ITGA8: variants seen among roughly 807,000 people sequenced by gnomAD.
The protein encoded by ITGA8 is integrin alpha-8.
Under a neutral mutation model 142.3 loss-of-function variants are expected in ITGA8, and 91 were observed. The ratio of observed to expected loss-of-function variants is 0.64; its 90% confidence interval spans 0.54 to 0.76. ITGA8 has a LOEUF of 0.76. ITGA8 is among the 30% of genes least tolerant of loss of function. The probability of loss-of-function intolerance (pLI) is 0.00; values close to 1 mark genes in which losing one functional copy is unlikely to be tolerated. For synonymous variants in ITGA8, 505 were observed against 485.2 expected (o/e 1.04, Z -0.54); for missense variants, 1,406 against 1,327.7 (o/e 1.06, Z -0.92).
chr10:15,594,062 A>G (rs149677637), intron 21 of ITGA8, among the ~76,000 whole-genome samples: 3,575 of 151,838 alleles, frequency 0.024, 126 homozygotes, highest in East Asian at 0.12. Context: ...GGCTGGTCTC[A>G]TACTCCTGAC....
At chr10:15,641,679 T>C (rs1275518157) in intron 13 of ITGA8, among the ~76,000 whole-genome samples, 2 of 152,138 alleles carry the variant, frequency 1.3e-5, no homozygotes, top group Non-Finnish European at 2.9e-5. Flanking sequence ...CCAAGCAGCA[T>C]TGACGGGCCT....
chr10:15,636,380 A>G (rs894137031), intron 13 of ITGA8, among the ~76,000 whole-genome samples: 2 of 152,220 alleles, frequency 1.3e-5, no homozygotes, highest in Admixed American at 1.3e-4. Context: ...GAATCAGAAA[A>G]TGAATTTTGA....
chr10:15,699,724 C>T (rs1046826348), intron 2 of ITGA8, among the ~76,000 whole-genome samples: 2 of 152,172 alleles, frequency 1.3e-5, no homozygotes, highest in Admixed American at 1.3e-4. Context: ...AGAGAATGAT[C>T]ATATTCTTTT....
chr10:15,590,993 A>G (rs1260383006), intron 22 of ITGA8, among the ~76,000 whole-genome samples: 1 of 152,206 alleles, frequency 6.6e-6, no homozygotes, highest in Non-Finnish European at 1.5e-5. Context: ...TGGATTTTTA[A>G]AATCTGCTAC....
At chr10:15,658,875 C>T in intron 10 of ITGA8, 124 bp downstream of exon 10, 2 of 674,684 alleles carry the variant, frequency 3.0e-6, no homozygotes, top group East Asian at 3.2e-5. Flanking sequence ...GTGCCTAGGA[C>T]AGTTTCCAGT....
At chr10:15,681,646 G>A (rs1160603084) in intron 4 of ITGA8, among the ~76,000 whole-genome samples, 1 of 152,164 alleles carries the variant, frequency 6.6e-6, no homozygotes, top group Non-Finnish European at 1.5e-5. Context: ...GCAGAACAAG[G>A]AGTGACTAGT....
rs193257602 is a variant in ITGA8 at position 15,546,414 on chromosome 10, T to A, written c.2880+2041A>T. ...ATGAATATGTAAAGGTTTGATTTTTTAAAAAGTCAAATAAATTGGGCACTG... is the reference window on the plus strand; with the variant it reads ...ATGAATATGTAAAGGTTTGATTTTTAAAAAAGTCAAATAAATTGGGCACTG... On this transcript the variant is annotated intron_variant, in intron 27 of 29. Coordinates refer to ENST00000378076, the MANE Select transcript of ITGA8 (RefSeq NM_003638.3). Among the ~76,000 whole-genome samples, 1,026 of 152,310 alleles carry A rather than the reference T, an allele frequency of 6.7e-3. 12 individuals carry two copies. Among genetic ancestry groups the A allele is most frequent in the African/African-American group, 0.023 (950 of 41,554 alleles).
chr10:15,550,968 G>A (rs1833783474), intron 26 of ITGA8, among the ~76,000 whole-genome samples: 3 of 151,976 alleles, frequency 2.0e-5, no homozygotes, highest in Admixed American at 2.0e-4. Context: ...AAATTTTGGA[G>A]AAGTTTAGGA....
In ITGA8 at chr10:15,641,604, C is replaced by T. The variant is rs149114486; in HGVS notation, c.1399+2426G>A. ...TTGAGAGACAGAATTGGCGCCAGAA[C>T]CCAGGTCTACCAAGATGCATGGATG... On this transcript the variant is annotated intron_variant, in intron 13 of 29. Coordinates refer to ENST00000378076, the MANE Select transcript of ITGA8 (RefSeq NM_003638.3). 3.3e-3 allele frequency among the ~76,000 whole-genome samples: 504 copies of T among 152,192 alleles called. 3 individuals carry two copies. Among genetic ancestry groups the T allele is most frequent in the African/African-American group, 0.012 (481 of 41,528 alleles).
At chr10:15,552,697 C>CG (rs1212470397) in intron 26 of ITGA8, among the ~76,000 whole-genome samples, 4 of 152,292 alleles carry the variant, frequency 2.6e-5, no homozygotes, top group South Asian at 2.1e-4. Context: ...CCCTCACCCC[C>CG]GGGCAGGCCC....
At chr10:15,593,348 T>C (rs969583754) in intron 21 of ITGA8, among the ~76,000 whole-genome samples, 3 of 152,220 alleles carry the variant, frequency 2.0e-5, no homozygotes, top group Non-Finnish European at 4.4e-5. Context: ...CCAAGCACTG[T>C]ACTATGCCTT....
At position 15,690,452 on chromosome 10, in the gene ITGA8, G is replaced by A. The variant is rs1316336567; in HGVS notation, c.344-2414C>T. Among the ~76,000 whole-genome samples, 3 of 152,160 alleles carry A rather than the reference G, an allele frequency of 2.0e-5. No homozygotes were observed. In the East Asian group the frequency reaches 5.8e-4, roughly 29 times the overall value. On this transcript the variant is annotated intron_variant, in intron 2 of 29. Coordinates refer to ENST00000378076, the MANE Select transcript of ITGA8 (RefSeq NM_003638.3). Reference sequence around the variant, plus strand: ...TCCTGGGCCTCGGCTACAGGTGAGTGCTGCAGTCACAGCCCTTGGCTTGGT... The same window carrying A: ...TCCTGGGCCTCGGCTACAGGTGAGTACTGCAGTCACAGCCCTTGGCTTGGT...
chr10:15,521,558 G>A (rs886281708), intron 28 of ITGA8, among the ~76,000 whole-genome samples: 3 of 152,196 alleles, frequency 2.0e-5, no homozygotes, highest in African/African-American at 4.8e-5. Context: ...TGCCAAGGAT[G>A]TGATAGATGT....
intron 11 of ITGA8, among the ~76,000 whole-genome samples, chr10:15,655,135 C>CT (rs1229800900): frequency 6.6e-6 from 1 of 152,108 alleles, no homozygotes; most frequent in African/African-American, 2.4e-5. Flanking sequence ...TAGTCCTCCT[C>CT]TAGAAGCAGC....
At chr10:15,589,460 T>C (rs982511375) in intron 22 of ITGA8, among the ~76,000 whole-genome samples, 3 of 152,134 alleles carry the variant, frequency 2.0e-5, no homozygotes, top group African/African-American at 7.2e-5. Flanking sequence ...ATGCAAATAT[T>C]TGGTAACAGG....
At chr10:15,591,764 C>T (rs1832927265) in intron 22 of ITGA8, among the ~76,000 whole-genome samples, 1 of 152,232 alleles carries the variant, frequency 6.6e-6, no homozygotes, top group South Asian at 2.1e-4. Flanking sequence ...ATCTCACCTG[C>T]ATCCTGCCAC....
intron 21 of ITGA8, among the ~76,000 whole-genome samples, chr10:15,592,662 T>C (rs948338512): frequency 6.6e-6 from 1 of 152,188 alleles, no homozygotes; most frequent in Non-Finnish European, 1.5e-5. Context: ...TGGAGTGCAT[T>C]AGTGCGAGCA....
At chr10:15,651,295 T>C (rs746876125) in intron 11 of ITGA8, among the ~76,000 whole-genome samples, 2 of 152,178 alleles carry the variant, frequency 1.3e-5, no homozygotes, top group African/African-American at 2.4e-5. Flanking sequence ...AAAGCTTACA[T>C]TGACGGAGTT....
At chr10:15,686,854 C>A (rs550919635) in intron 3 of ITGA8, among the ~76,000 whole-genome samples, 5 of 152,144 alleles carry the variant, frequency 3.3e-5, no homozygotes, top group African/African-American at 1.2e-4. Context: ...TTGAGGGTTT[C>A]TACAGTTATT....
Sources: gnomAD v4.1 joint callset for allele counts (sites outside exome capture counted in the v4.1 genomes callset) on GRCh38, gnomAD v4.1.1 for gene constraint, MANE v1.5 for transcripts, NCBI Gene and HGNC (gene_info 2026-07-23, HGNC 2026-07-21) for gene names.